Variants in RIPOR2 observed in about 807,000 individuals in gnomAD.
The protein encoded by RIPOR2 is rho family-interacting cell polarization regulator 2.
RIPOR2 carries 39 observed loss-of-function variants against 114.5 expected under a neutral mutation model. The observed-to-expected ratio is 0.34, with a 90% CI of 0.26 to 0.44. The LOEUF (loss-of-function observed/expected upper bound fraction) is 0.44. RIPOR2 is among the 20% of genes least tolerant of loss of function. RIPOR2 has a pLI of 1.00. For synonymous variants in RIPOR2, 445 were observed against 484.4 expected (o/e 0.92, Z 1.07); for missense variants, 1,007 against 1,255.1 (o/e 0.80, Z 2.99).
In RIPOR2 at chr6:24,839,014, C is replaced by G. The variant is rs563028755; in HGVS notation, c.2039+77G>C. 5 of 1,196,498 alleles carry G rather than the reference C, an allele frequency of 4.2e-6. No homozygotes were observed. In the Admixed American group the frequency reaches 7.4e-5, roughly 18 times the overall value. The allele number at this position is 1,196,498 out of a possible 1,614,324, so 74.1% of individuals were successfully genotyped here. On this transcript the variant is annotated intron_variant, in intron 14 of 21. Transcript: ENST00000643898. ...ATCTTCCTGGAAATGTGTACCAGGT[C>G]CCCTCTGACAGTAACAAAGAACTAC... is the stretch of plus-strand genomic sequence containing the variant.
chr6:24,949,500 C>T (rs372410851), intron 1 of RIPOR2, among the ~76,000 whole-genome samples: 7 of 152,272 alleles, frequency 4.6e-5, no homozygotes, highest in African/African-American at 1.7e-4. Flanking sequence ...CTTTTCAGGA[C>T]ATCTTTAGGG....
rs754756808 is a variant in RIPOR2, at chr6:24,839,174, G to A, written c.1956C>T (p.Asp652=). The change falls in exon 14 of 22, where the codon GAC becomes GAT. Residue 652 remains aspartate (D), a synonymous_variant. Coordinates refer to ENST00000643898, the MANE Select transcript of RIPOR2 (RefSeq NM_001286445.3). Reference sequence around the variant, plus strand: ...AAACCTCATCACCATCCTCCTCCTCGTCAAAATCAGAGGTGTTCAGGAAAT... The same window carrying A: ...AAACCTCATCACCATCCTCCTCCTCATCAAAATCAGAGGTGTTCAGGAAAT... ...SFDFLNTSDF[D]EEEDGDEVCN... 3.0e-5 allele frequency: 47 copies of A among 1,551,486 alleles called. No individual in the cohort carries two copies. The highest frequency in any genetic ancestry group is 7.8e-5 in the Admixed American group (4 of 50,976).
At chr6:24,953,565 T>C (rs1321933084) in intron 1 of RIPOR2, among the ~76,000 whole-genome samples, 1 of 152,132 alleles carries the variant, frequency 6.6e-6, no homozygotes. Flanking sequence ...TACTTCAAAG[T>C]GTGGTACCTT....
chr6:24,828,703 T>A (rs1271933548), intron 17 of RIPOR2, among the ~76,000 whole-genome samples: 1 of 151,386 alleles, frequency 6.6e-6, no homozygotes, highest in Non-Finnish European at 1.5e-5. Context: ...ATAAAATATA[T>A]AATGAATAAA....
At chr6:24,865,879 A>C (rs776826586) in intron 6 of RIPOR2, among the ~76,000 whole-genome samples, 3 of 152,186 alleles carry the variant, frequency 2.0e-5, no homozygotes, top group African/African-American at 4.8e-5. Flanking sequence ...ACTATTAAAT[A>C]AGGAAGATGA....
Position 24,849,917 on chromosome 6 carries a change from G to T in RIPOR2, c.919C>A (p.Leu307Met), listed in dbSNP as rs1023848804. ...TELKGLATHI[L>M]VGSVTCETKE... Reference sequence around the variant, plus strand: ...GTCTCACAGGTCACGCTACCTACCAGGATGTGAGTTGCTAGCCCTTTGAGC... The same window carrying T: ...GTCTCACAGGTCACGCTACCTACCATGATGTGAGTTGCTAGCCCTTTGAGC... Residue 307 changes from leucine to methionine, a missense_variant, in exon 11 of 22, where the codon CTG becomes ATG. Physicochemically the swap from Leu to Met is conservative, Grantham distance 15. Transcript: ENST00000643898. 2 of 1,613,858 alleles carry T rather than the reference G, an allele frequency of 1.2e-6. No individual in the cohort carries two copies. The highest frequency in any genetic ancestry group is 2.2e-5 in the East Asian group (1 of 44,882).
chr6:24,991,051 T>C lies in RIPOR2; in HGVS notation c.76+50800A>G, dbSNP rs138573191. On this transcript the variant is annotated intron_variant, in intron 1 of 13. Coordinates refer to the RIPOR2 transcript ENST00000510784. ...AATAAAACCCATGGCTGTTCAATAG[T>C]CTAATCAATGAGCTACAATTGCAGC... is the stretch of plus-strand genomic sequence containing the variant. Among the ~76,000 whole-genome samples the C allele has an allele frequency of 5.5e-4, 84 of 152,318 alleles. No individual in the cohort carries two copies. In the East Asian group the frequency reaches 0.016, roughly 29 times the overall value.
At chr6:24,953,954 T>C (rs1772909774) in intron 1 of RIPOR2, among the ~76,000 whole-genome samples, 1 of 152,244 alleles carries the variant, frequency 6.6e-6, no homozygotes, top group African/African-American at 2.4e-5. Flanking sequence ...CGGTCCTTTG[T>C]TATTGGAGCC....
intron 14 of RIPOR2, 55 bp from the exon 15 acceptor site, chr6:24,835,926 T>A: frequency 4.6e-6 from 7 of 1,524,902 alleles, no homozygotes; most frequent in African/African-American, 1.4e-5. Context: ...AAACCACAGG[T>A]CAAGTCCACA....
chr6:24,921,875 G>C (rs1300008148), intron 1 of RIPOR2, among the ~76,000 whole-genome samples: 3 of 151,540 alleles, frequency 2.0e-5, no homozygotes. Flanking sequence ...TGTCGCCCAG[G>C]CTGGAGTGCA....
chr6:24,844,123 C>T (rs1384638598), intron 12 of RIPOR2, among the ~76,000 whole-genome samples: 1 of 152,146 alleles, frequency 6.6e-6, no homozygotes, highest in Non-Finnish European at 1.5e-5. Flanking sequence ...CAAGGCCAGC[C>T]ATACATTTGC....
At chr6:24,978,179 G>T (rs768858402) in intron 1 of RIPOR2, among the ~76,000 whole-genome samples, 1 of 151,962 alleles carries the variant, frequency 6.6e-6, no homozygotes, top group East Asian at 1.9e-4. Context: ...TTCATTCTAC[G>T]GGCTTTGTTT....
At chr6:24,998,725 T>C (rs187760796) in intron 1 of RIPOR2, among the ~76,000 whole-genome samples, 2 of 152,298 alleles carry the variant, frequency 1.3e-5, no homozygotes, top group African/African-American at 4.8e-5. Flanking sequence ...AAAAATTAGG[T>C]GAAGACAGGC....
intron 1 of RIPOR2, among the ~76,000 whole-genome samples, chr6:24,885,316 G>A (rs1160366202): frequency 6.6e-6 from 1 of 152,102 alleles, no homozygotes; most frequent in Non-Finnish European, 1.5e-5. Flanking sequence ...TCAATCTCCT[G>A]GGCTCAAGCG....
intron 15 of RIPOR2, among the ~76,000 whole-genome samples, chr6:24,834,781 A>G (rs114551006): frequency 0.026 from 4,019 of 152,024 alleles, 162 homozygotes; most frequent in African/African-American, 0.084. Context: ...GTGCCACCAC[A>G]CCTGACTAAT....
intron 1 of RIPOR2, among the ~76,000 whole-genome samples, chr6:24,896,347 G>C (rs1334809526): frequency 6.6e-6 from 1 of 152,136 alleles, no homozygotes; most frequent in Non-Finnish European, 1.5e-5. Flanking sequence ...ACAGCGAAAG[G>C]GTTCATTGCT....
intron 1 of RIPOR2, among the ~76,000 whole-genome samples, chr6:24,969,141 C>A (rs979318285): frequency 3.9e-5 from 6 of 152,216 alleles, no homozygotes; most frequent in African/African-American, 1.4e-4. Context: ...AACCACAGAT[C>A]TTTGCGCCCC....
chr6:24,908,476 G>T (rs1190508009), intron 1 of RIPOR2, among the ~76,000 whole-genome samples: 1 of 152,098 alleles, frequency 6.6e-6, no homozygotes, highest in Admixed American at 6.6e-5. Context: ...TTGACAGAGG[G>T]GTGAACCAAT....
chr6:24,855,306 G>A (rs369961598), intron 8 of RIPOR2, among the ~76,000 whole-genome samples: 1 of 152,002 alleles, frequency 6.6e-6, no homozygotes, highest in South Asian at 2.1e-4. Flanking sequence ...ACACAGAAAA[G>A]TTGGTTGGAT....
Sources: gnomAD v4.1 joint callset for allele counts (sites outside exome capture counted in the v4.1 genomes callset) on GRCh38, gnomAD v4.1.1 for gene constraint, MANE v1.5 for transcripts, NCBI Gene and HGNC (gene_info 2026-07-23, HGNC 2026-07-21) for gene names.